The following AKAP7 variants were observed in gnomAD, a reference collection of about 807,000 sequenced individuals.
AKAP7 encodes A-kinase anchoring protein 7.
AKAP7 carries 39 observed loss-of-function variants against 39.5 expected under a neutral mutation model. That is an observed-to-expected ratio of 0.99 (90% confidence interval 0.76 to 1.29). The LOEUF is 1.29. Among genes scored for constraint, AKAP7 ranks in the 50% most tolerant of loss-of-function variants. AKAP7 has a pLI of 0.00. For synonymous variants in AKAP7, 140 were observed against 139.1 expected (o/e 1.01, Z -0.05); for missense variants, 414 against 407.7 (o/e 1.02, Z -0.13).
intron 5 of AKAP7, among the ~76,000 whole-genome samples, chr6:131,189,404 C>G (rs1340849372): frequency 6.6e-6 from 1 of 152,092 alleles, no homozygotes; most frequent in Non-Finnish European, 1.5e-5. Flanking sequence ...AATTGGAGAT[C>G]ATGTGATCGT....
intron 7 of AKAP7, among the ~76,000 whole-genome samples, chr6:131,258,701 A>C (rs1469842383): frequency 2.0e-5 from 3 of 152,240 alleles, no homozygotes; most frequent in African/African-American, 7.2e-5. Flanking sequence ...ATAAAGAATA[A>C]GTATAGCTTT....
At chr6:131,166,827 A>G (rs570742371) in intron 4 of AKAP7, among the ~76,000 whole-genome samples, 8 of 152,154 alleles carry the variant, frequency 5.3e-5, no homozygotes, top group Non-Finnish European at 1.2e-4. Context: ...CCTATACTGT[A>G]TGTTAGACAT....
At chr6:131,250,633 C>A in intron 7 of AKAP7, 1 of 1,612,940 alleles carries the variant, frequency 6.2e-7, no homozygotes, top group Non-Finnish European at 8.5e-7. Flanking sequence ...GGGATTTGTA[C>A]TGTGCAGAAT....
intron 7 of AKAP7, among the ~76,000 whole-genome samples, chr6:131,272,409 T>A (rs964578767): frequency 6.6e-6 from 1 of 152,176 alleles, no homozygotes; most frequent in Non-Finnish European, 1.5e-5. Flanking sequence ...CTGCTTAATT[T>A]GGGGTTAATT....
rs752361676 is a variant in AKAP7, at chr6:131,282,384, ATTTT to A, written c.*664_*667del. 4.1e-5 allele frequency: 59 copies of A among 1,440,814 alleles called. No individual in the cohort carries two copies. The highest frequency in any genetic ancestry group is 5.3e-5 in the Non-Finnish European group (58 of 1,098,062). 89.3% of individuals were successfully genotyped at this position (1,440,814 alleles called of 1,614,324 possible). On this transcript the variant is annotated 3_prime_UTR_variant, in exon 8 of 8. Coordinates refer to ENST00000431975, the MANE Select transcript of AKAP7 (RefSeq NM_016377.4). Reference sequence around the variant, plus strand: ...ATATTTAATGAAATGTTATTATATAATTTTTTTTTCTTAGGCAAGAAACCTATTG... The same window carrying A: ...ATATTTAATGAAATGTTATTATATAATTTTTCTTAGGCAAGAAACCTATTG...
intron 4 of AKAP7, among the ~76,000 whole-genome samples, chr6:131,168,834 C>T (rs2128244043): frequency 6.6e-6 from 1 of 152,154 alleles, no homozygotes; most frequent in African/African-American, 2.4e-5. Flanking sequence ...TAATATTTCA[C>T]TTGGTTAAAA....
intron 7 of AKAP7, among the ~76,000 whole-genome samples, chr6:131,224,860 C>T (rs1810028565): frequency 6.7e-6 from 1 of 148,638 alleles, no homozygotes; most frequent in Admixed American, 6.8e-5. Context: ...AGGTGATTCT[C>T]CTGCCTCAGC....
At chr6:131,250,404 C>T in intron 7 of AKAP7, 1 of 1,452,960 alleles carries the variant, frequency 6.9e-7, no homozygotes, top group African/African-American at 1.4e-5. Flanking sequence ...GTTCCCTTCT[C>T]CTTTCTCTCC....
At chr6:131,244,533 C>T (rs1211431933) in intron 7 of AKAP7, among the ~76,000 whole-genome samples, 3 of 152,178 alleles carry the variant, frequency 2.0e-5, no homozygotes, top group Admixed American at 2.0e-4. Flanking sequence ...GTCCTCTAAG[C>T]AGGGAGATAA....
chr6:131,281,748 G>A lies in AKAP7; in HGVS notation c.*22G>A, dbSNP rs763787617. 7.0e-6 allele frequency: 11 copies of A among 1,571,030 alleles called. No individual in the cohort carries two copies. The highest frequency in any genetic ancestry group is 1.8e-5 in the Admixed American group (1 of 55,358). Reference sequence around the variant, plus strand: ...ATGAGCCCGGAACGCAGGCCCCCATGTCTCTGTGCAAAGCCTCCCTGCTTC... The same window carrying A: ...ATGAGCCCGGAACGCAGGCCCCCATATCTCTGTGCAAAGCCTCCCTGCTTC... On this transcript the variant is annotated 3_prime_UTR_variant, in exon 8 of 8. Transcript: ENST00000431975. This position sits in a 1 kb window ranked among gnomAD's most constrained non-coding sequence, Gnocchi z 4.0.
intron 1 of AKAP7, among the ~76,000 whole-genome samples, chr6:131,141,525 T>C (rs1484631945): frequency 1.3e-5 from 2 of 152,176 alleles, no homozygotes; most frequent in East Asian, 1.9e-4. Flanking sequence ...AGAAAATTGG[T>C]ACTAAAGAGC....
chr6:131,159,185 C>T (rs1802702729), intron 2 of AKAP7, among the ~76,000 whole-genome samples: 2 of 152,144 alleles, frequency 1.3e-5, no homozygotes, highest in Admixed American at 6.5e-5. Context: ...GCTCTGCCTC[C>T]TGGGTTCATG....
intron 7 of AKAP7, chr6:131,253,174 G>GGTA: frequency 7.2e-7 from 1 of 1,389,012 alleles, no homozygotes; most frequent in Non-Finnish European, 1.0e-6. Context: ...TGGTGGTGGT[G>GGTA]GTAGATAGAA....
At chr6:131,151,381 G>GTTTT (rs111997888) in intron 2 of AKAP7, among the ~76,000 whole-genome samples, 19 of 143,770 alleles carry the variant, frequency 1.3e-4, no homozygotes, top group Non-Finnish European at 1.8e-4. Flanking sequence ...AGAAGGTAAG[G>GTTTT]TTTTTTTTTT....
intron 5 of AKAP7, among the ~76,000 whole-genome samples, chr6:131,196,369 G>A (rs1806932494): frequency 1.3e-5 from 2 of 150,608 alleles, no homozygotes; most frequent in Non-Finnish European, 3.0e-5. Flanking sequence ...AGGTTTAAGC[G>A]ATTTTCCTTC....
intron 7 of AKAP7, chr6:131,250,573 C>T (rs751667539): frequency 5.0e-6 from 8 of 1,614,004 alleles, no homozygotes; most frequent in Admixed American, 3.3e-5. Context: ...GTGCCATGGG[C>T]CAGCTTTGCT....
intron 1 of AKAP7, among the ~76,000 whole-genome samples, chr6:131,137,993 TC>T (rs1449574802): frequency 1.3e-5 from 2 of 152,166 alleles, no homozygotes; most frequent in Non-Finnish European, 2.9e-5. Flanking sequence ...GTCATTGCAT[TC>T]TTCATAGTCA....
intron 3 of AKAP7, among the ~76,000 whole-genome samples, chr6:131,161,769 A>G (rs1802991216): frequency 6.6e-6 from 1 of 151,506 alleles, no homozygotes. Context: ...TTATTAAAAT[A>G]CTTGCAAGTT....
chr6:131,266,684 TTTG>T (rs368469383), intron 7 of AKAP7, among the ~76,000 whole-genome samples: 2,994 of 149,044 alleles, frequency 0.02, 100 homozygotes, highest in African/African-American at 0.066. Flanking sequence ...TGCAGGGGTT[TTTG>T]TTGTTGTTGT....
Sources: gnomAD v4.1 joint callset for allele counts (sites outside exome capture counted in the v4.1 genomes callset) on GRCh38, gnomAD v4.1.1 for gene constraint, Gnocchi (gnomAD v3.1) non-coding constraint, MANE v1.5 for transcripts, NCBI Gene and HGNC (gene_info 2026-07-23, HGNC 2026-07-21) for gene names.